NAALAD2: variants seen among roughly 807,000 people sequenced by gnomAD.
The protein encoded by NAALAD2 is N-acetylated alpha-linked acidic dipeptidase 2.
Under a neutral mutation model 95.6 loss-of-function variants are expected in NAALAD2, and 89 were observed. That is an observed-to-expected ratio of 0.93 (90% CI 0.78 to 1.11). NAALAD2 has a LOEUF of 1.11. NAALAD2 is among the 50% of genes least tolerant of loss of function. The probability of loss-of-function intolerance (pLI) is 0.00; values close to 1 mark genes in which losing one functional copy is unlikely to be tolerated. For synonymous variants in NAALAD2, 264 were observed against 294.4 expected (o/e 0.90, Z 1.06); for missense variants, 894 against 872.4 (o/e 1.02, Z -0.31).
chr11:90,175,599 G>T (rs1163433695), intron 14 of NAALAD2, among the ~76,000 whole-genome samples: 1 of 150,498 alleles, frequency 6.6e-6, no homozygotes. Context: ...TTCTCTGAGG[G>T]TAGGGCCCAC....
At chr11:90,177,586 G>GTTTTGTTT (rs1952833043) in intron 15 of NAALAD2, among the ~76,000 whole-genome samples, 1 of 28,456 alleles carries the variant, frequency 3.5e-5, no homozygotes, top group African/African-American at 1.4e-4. Context: ...TCTTTTTCTT[G>GTTTTGTTT]TTTTTTTTTT....
intron 14 of NAALAD2, among the ~76,000 whole-genome samples, chr11:90,174,962 TA>T (rs1484360522): frequency 6.6e-6 from 1 of 152,106 alleles, no homozygotes; most frequent in Non-Finnish European, 1.5e-5. Flanking sequence ...AAATATTATG[TA>T]AAATTAAGTT....
chr11:90,179,598 G>C (rs943549056), intron 16 of NAALAD2, among the ~76,000 whole-genome samples: 3 of 152,126 alleles, frequency 2.0e-5, no homozygotes, highest in Non-Finnish European at 4.4e-5. Flanking sequence ...TCTCTGCAGT[G>C]ATGGGGGAAA....
chr11:90,143,684 C>G (rs903774945), intron 2 of NAALAD2, among the ~76,000 whole-genome samples: 3 of 152,154 alleles, frequency 2.0e-5, no homozygotes, highest in Non-Finnish European at 4.4e-5. Context: ...ACCCTACAGA[C>G]AGATACACTG....
At chr11:90,160,553 T>A (rs1952264426) in intron 8 of NAALAD2, among the ~76,000 whole-genome samples, 1 of 152,198 alleles carries the variant, frequency 6.6e-6, no homozygotes, top group Non-Finnish European at 1.5e-5. Flanking sequence ...TTTATAAATG[T>A]TTGATTTATA....
intron 6 of NAALAD2, among the ~76,000 whole-genome samples, chr11:90,155,665 T>G (rs1419671837): frequency 3.6e-5 from 2 of 55,250 alleles, no homozygotes; most frequent in Admixed American, 4.7e-4. Flanking sequence ...GTATGTATTA[T>G]TATTGTATGT....
chr11:90,160,395 A>T (rs1157087667), intron 8 of NAALAD2, among the ~76,000 whole-genome samples: 2 of 152,206 alleles, frequency 1.3e-5, no homozygotes, highest in African/African-American at 2.4e-5. Context: ...TTATTAAACC[A>T]AAATTATTAA....
intron 2 of NAALAD2, among the ~76,000 whole-genome samples, chr11:90,146,994 G>A (rs896505908): frequency 5.3e-5 from 8 of 151,952 alleles, no homozygotes; most frequent in African/African-American, 1.9e-4. Flanking sequence ...TTTCCAAAAT[G>A]TCTCTGTTCT....
At chr11:90,158,651 G>C (rs1440047782) in intron 7 of NAALAD2, 1 of 175,690 alleles carries the variant, frequency 5.7e-6, no homozygotes, top group Non-Finnish European at 1.2e-5. Flanking sequence ...TTCTTTATTT[G>C]TAAGATGAGG....
chr11:90,166,571 C>T (rs970553198), intron 11 of NAALAD2, among the ~76,000 whole-genome samples: 2 of 152,216 alleles, frequency 1.3e-5, no homozygotes, highest in African/African-American at 4.8e-5. Flanking sequence ...CGCGGTGGCT[C>T]ACGCCTGTTA....
intron 14 of NAALAD2, among the ~76,000 whole-genome samples, chr11:90,175,670 C>G (rs1313276243): frequency 1.3e-5 from 2 of 152,060 alleles, no homozygotes; most frequent in African/African-American, 4.8e-5. Context: ...TGGAGAGCAT[C>G]ATCACAAGAT....
upstream of NAALAD2, among the ~76,000 whole-genome samples, chr11:90,133,992 C>A (rs149618699): frequency 6.6e-6 from 1 of 152,168 alleles, no homozygotes; most frequent in Admixed American, 6.5e-5. Flanking sequence ...CTGGCTTCTT[C>A]GGTTTAGCAT....
upstream of NAALAD2, among the ~76,000 whole-genome samples, chr11:90,132,819 GT>G (rs1951372893): frequency 6.6e-6 from 1 of 152,154 alleles, no homozygotes; most frequent in Non-Finnish European, 1.5e-5. Context: ...TTATGAAAAT[GT>G]TTTTTGAAAG....
At chr11:90,153,591 C>T (rs1018057681) in intron 6 of NAALAD2, among the ~76,000 whole-genome samples, 3 of 151,984 alleles carry the variant, frequency 2.0e-5, no homozygotes, top group Non-Finnish European at 2.9e-5. Context: ...ACCAAAAAGC[C>T]TCCTGGGAGT....
intron 18 of NAALAD2, among the ~76,000 whole-genome samples, chr11:90,184,794 A>T (rs915410658): frequency 6.6e-6 from 1 of 152,102 alleles, no homozygotes; most frequent in Non-Finnish European, 1.5e-5. Flanking sequence ...TTATATATGT[A>T]TATAGTCAGC....
intron 18 of NAALAD2, among the ~76,000 whole-genome samples, chr11:90,187,716 A>G (rs973438140): frequency 2.0e-5 from 3 of 152,186 alleles, no homozygotes; most frequent in African/African-American, 4.8e-5. Flanking sequence ...CAGTACGTAT[A>G]ATGGATCAAT....
At chr11:90,176,957 T>G (rs72956860) in intron 15 of NAALAD2, among the ~76,000 whole-genome samples, 6,623 of 152,282 alleles carry the variant, frequency 0.043, 182 homozygotes, top group Middle Eastern at 0.11. Flanking sequence ...ACTTTTATAC[T>G]CTGTCTTCTG....
At chr11:90,174,836 AATCTGAAGTGCTCCAAT>A (rs1219084835) in intron 14 of NAALAD2, among the ~76,000 whole-genome samples, 1 of 152,078 alleles carries the variant, frequency 6.6e-6, no homozygotes, top group Admixed American at 6.5e-5. Context: ...AAAAACCTGA[AATCTGAAGTGCTCCAAT>A]ATCCAAAACT....
upstream of NAALAD2, among the ~76,000 whole-genome samples, chr11:90,133,305 A>C (rs1443831421): frequency 2.0e-5 from 3 of 152,178 alleles, no homozygotes; most frequent in Non-Finnish European, 1.5e-5. Context: ...CTGAGATGAG[A>C]TGGTTGGATG....
Sources: allele counts gnomAD v4.1 joint callset (sites outside exome capture counted in the v4.1 genomes callset), GRCh38; gene constraint gnomAD v4.1.1; transcripts MANE v1.5; gene names NCBI Gene and HGNC (gene_info 2026-07-23, HGNC 2026-07-21).